The following ASIC2 variants were observed in gnomAD, a reference collection of about 807,000 sequenced individuals.
ASIC2 encodes acid sensing ion channel subunit 2.
A neutral mutation model predicts 57.3 loss-of-function variants in ASIC2; 25 were observed. The observed-to-expected ratio is 0.44, with a 90% CI of 0.32 to 0.61. The LOEUF (loss-of-function observed/expected upper bound fraction) is 0.61. Ranked by LOEUF, ASIC2 falls within the 20% of genes least tolerant of loss-of-function variation. The pLI is 0.06. For missense variants in ASIC2, 641 were observed against 738.1 expected (o/e 0.87, Z 1.52); for synonymous variants, 319 against 307.5 (o/e 1.04, Z -0.39).
At chr17:33,159,602 A>G (rs1905105589) in intron 1 of ASIC2, among the ~76,000 whole-genome samples, 1 of 152,194 alleles carries the variant, frequency 6.6e-6, no homozygotes, top group Admixed American at 6.5e-5. Context: ...TGCCTAGGCC[A>G]GTTCCCTTTC....
Position 33,599,714 on chromosome 17 carries a change from G to T in ASIC2, c.556-487647C>A, listed in dbSNP as rs531425606. ...TCACAAACAGAGCAGTGGAAGAGAA[G>T]AGGGCTGTTCTGTGCTGAGGAGACC... On this transcript the variant is annotated intron_variant, in intron 1 of 9. Transcript: ENST00000359872. Among the ~76,000 whole-genome samples, 42 of 152,294 alleles carry T rather than the reference G, an allele frequency of 2.8e-4. No individual in the cohort carries two copies. The South Asian group carries it at 8.7e-3, about 32-fold the overall frequency.
intron 1 of ASIC2, among the ~76,000 whole-genome samples, chr17:33,227,348 G>A (rs541189770): frequency 2.0e-4 from 30 of 152,254 alleles, no homozygotes; most frequent in African/African-American, 6.3e-4. Context: ...CTGGCATATG[G>A]AGACATTCCC....
At chr17:33,578,937 T>C (rs1916748154) in intron 1 of ASIC2, among the ~76,000 whole-genome samples, 1 of 152,138 alleles carries the variant, frequency 6.6e-6, no homozygotes, top group Non-Finnish European at 1.5e-5. Context: ...ATTCTCTAGC[T>C]TCTGCTGCTG....
intron 1 of ASIC2, among the ~76,000 whole-genome samples, chr17:33,439,001 G>GC (rs1911730471): frequency 6.6e-6 from 1 of 152,064 alleles, no homozygotes; most frequent in South Asian, 2.1e-4. Context: ...TTGCCACAAT[G>GC]CCCAGCTAAT....
intron 1 of ASIC2, among the ~76,000 whole-genome samples, chr17:33,280,140 C>T (rs1448830567): frequency 2.0e-5 from 3 of 152,130 alleles, no homozygotes; most frequent in East Asian, 1.9e-4. Context: ...CATAGCCCAC[C>T]TAAGAGCGTA....
At chr17:33,924,984 C>T (rs1915794621) in intron 1 of ASIC2, among the ~76,000 whole-genome samples, 1 of 152,208 alleles carries the variant, frequency 6.6e-6, no homozygotes, top group African/African-American at 2.4e-5. Context: ...TCCATCATGC[C>T]CACCTCCCAG....
intron 7 of ASIC2, among the ~76,000 whole-genome samples, chr17:33,019,527 G>A (rs534045631): frequency 6.6e-6 from 1 of 152,076 alleles, no homozygotes; most frequent in Admixed American, 6.5e-5. Context: ...CTGGGGTGGG[G>A]TATGCTGTGG....
chr17:33,757,830 A>C (rs1302747762), intron 1 of ASIC2, among the ~76,000 whole-genome samples: 1 of 152,182 alleles, frequency 6.6e-6, no homozygotes, highest in African/African-American at 2.4e-5. Flanking sequence ...CATGTCCTCC[A>C]AACCAAAGGC....
At chr17:33,222,752 T>C (rs886498693) in intron 1 of ASIC2, among the ~76,000 whole-genome samples, 4 of 152,222 alleles carry the variant, frequency 2.6e-5, no homozygotes, top group East Asian at 1.9e-4. Flanking sequence ...TATTTATATG[T>C]TTCTTAAAAG....
chr17:33,477,002 GTATACTATGTATATGTGTGTGTATA>G (rs765168450), intron 1 of ASIC2, among the ~76,000 whole-genome samples: 1 of 152,088 alleles, frequency 6.6e-6, no homozygotes, highest in Non-Finnish European at 1.5e-5. Flanking sequence ...CTCAGTGTGT[GTATACTATGTATATGTGTGTGTATA>G]TATACTATGT....
chr17:33,030,327 T>C (rs8076839), intron 3 of ASIC2, among the ~76,000 whole-genome samples: 63,267 of 151,968 alleles, frequency 0.42, 13,377 homozygotes, highest in Admixed American at 0.56. Context: ...TGTTATAAAC[T>C]AGATTTGCCT....
intron 1 of ASIC2, among the ~76,000 whole-genome samples, chr17:34,102,745 C>G (rs990466238): frequency 2.6e-5 from 4 of 152,140 alleles, no homozygotes; most frequent in Admixed American, 2.6e-4. Flanking sequence ...GGGGCTGTTT[C>G]CAGTTCTTGG....
chr17:33,019,557 C>A (rs767694635), intron 7 of ASIC2, among the ~76,000 whole-genome samples: 3 of 151,796 alleles, frequency 2.0e-5, no homozygotes, highest in Admixed American at 6.6e-5. Context: ...GTAGCGTGCA[C>A]GTGCATGGAC....
chr17:33,228,475 A>T (rs1217497873), intron 1 of ASIC2, among the ~76,000 whole-genome samples: 2 of 152,234 alleles, frequency 1.3e-5, no homozygotes, highest in Non-Finnish European at 2.9e-5. Context: ...AGGGTGTGTC[A>T]CATCCACGTG....
chr17:33,751,117 G>A (rs559158972), intron 1 of ASIC2, among the ~76,000 whole-genome samples: 3 of 152,258 alleles, frequency 2.0e-5, no homozygotes, highest in Middle Eastern at 3.4e-3. Flanking sequence ...AGGCTGAGTT[G>A]CCTGGCATAT....
At chr17:34,151,585 A>G (rs1463570170) in intron 1 of ASIC2, among the ~76,000 whole-genome samples, 2 of 152,162 alleles carry the variant, frequency 1.3e-5, no homozygotes, top group Non-Finnish European at 2.9e-5. Context: ...GTGGGTAAGG[A>G]GAGGACGTTT....
At chr17:33,930,881 T>C (rs1179447043) in intron 1 of ASIC2, among the ~76,000 whole-genome samples, 1 of 152,170 alleles carries the variant, frequency 6.6e-6, no homozygotes, top group African/African-American at 2.4e-5. Flanking sequence ...TTTCTTTGGC[T>C]GCCTAGTGCA....
At chr17:34,145,782 G>A (rs1912400518) in intron 1 of ASIC2, among the ~76,000 whole-genome samples, 1 of 152,168 alleles carries the variant, frequency 6.6e-6, no homozygotes, top group Admixed American at 6.5e-5. Context: ...TGGTTTCTGT[G>A]ACATATGAGG....
intron 2 of ASIC2, among the ~76,000 whole-genome samples, chr17:33,099,717 C>G (rs530654080): frequency 2.6e-5 from 4 of 152,162 alleles, no homozygotes; most frequent in Middle Eastern, 3.4e-3. Context: ...GATTATCACC[C>G]TTGAAATGCC....
Sources: gnomAD v4.1 joint callset for allele counts (sites outside exome capture counted in the v4.1 genomes callset) on GRCh38, gnomAD v4.1.1 for gene constraint, MANE v1.5 for transcripts, NCBI Gene and HGNC (gene_info 2026-07-23, HGNC 2026-07-21) for gene names.